Variants in ITPR2 observed in about 807,000 individuals in gnomAD.
ITPR2 encodes inositol 1,4,5-trisphosphate receptor type 2, also known as inositol 1,4,5-trisphosphate-gated calcium channel ITPR2.
A neutral mutation model predicts 317.1 loss-of-function variants in ITPR2; 207 were observed. That is an observed-to-expected ratio of 0.65 (90% CI 0.58 to 0.73). ITPR2 has a LOEUF of 0.73. ITPR2 is among the 30% of genes least tolerant of loss of function. The probability of loss-of-function intolerance (pLI) is 0.00; values close to 1 mark genes in which losing one functional copy is unlikely to be tolerated. For missense variants in ITPR2, 2,613 were observed against 3,284.0 expected (o/e 0.80, Z 4.99); for synonymous variants, 1,156 against 1,149.1 (o/e 1.01, Z -0.12).
chr12:26,713,816 T>C (rs115950760), intron 8 of ITPR2, among the ~76,000 whole-genome samples: 3,523 of 152,262 alleles, frequency 0.023, 140 homozygotes, highest in African/African-American at 0.081. Flanking sequence ...ATTAAGAACT[T>C]TATGGTGTGA....
chr12:26,677,753 A>T (rs1189930653), intron 13 of ITPR2, among the ~76,000 whole-genome samples: 1 of 152,228 alleles, frequency 6.6e-6, no homozygotes, highest in East Asian at 1.9e-4. Flanking sequence ...AATCTGAATT[A>T]AAAAGATATG....
chr12:26,348,150 G>T (rs1461835094), intron 55 of ITPR2, among the ~76,000 whole-genome samples: 1 of 152,128 alleles, frequency 6.6e-6, no homozygotes, highest in East Asian at 1.9e-4. Context: ...ATGACCTATT[G>T]CATTCCTCTC....
chr12:26,556,375 C>T lies in ITPR2; in HGVS notation c.4822G>A (p.Asp1608Asn), dbSNP rs1232954395. ...TGGTGCTCCAAGGAGGCCACTACATCCTAGGGAATGAAACACAAGAGAACC... is the reference window on the plus strand; with the variant it reads ...TGGTGCTCCAAGGAGGCCACTACATTCTAGGGAATGAAACACAAGAGAACC... ...DYRNIIEKLQ[D>N]VVASLEHQFS... The change falls in exon 36 of 57, where the codon GAT becomes AAT. Residue 1608 changes from aspartate (D) to asparagine (N), a missense_variant and splice_region_variant. Coordinates refer to ENST00000381340, the MANE Select transcript of ITPR2 (RefSeq NM_002223.4). 1.2e-6 allele frequency: 2 copies of T among 1,609,580 alleles called. No individual in the cohort carries two copies. The highest frequency in any genetic ancestry group is 1.7e-6 in the Non-Finnish European group (2 of 1,178,738).
intron 1 of ITPR2, among the ~76,000 whole-genome samples, chr12:26,799,713 C>T (rs1273302430): frequency 6.6e-6 from 1 of 152,216 alleles, no homozygotes; most frequent in African/African-American, 2.4e-5. Flanking sequence ...CCTGCCTCCT[C>T]AACCTCTTTG....
chr12:26,687,384 T>C (rs1592038482), intron 10 of ITPR2, among the ~76,000 whole-genome samples: 1 of 152,130 alleles, frequency 6.6e-6, no homozygotes, highest in East Asian at 1.9e-4. Flanking sequence ...AATAGTGACT[T>C]ACACATATTT....
chr12:26,559,499 C>G (rs1056882860), intron 35 of ITPR2, among the ~76,000 whole-genome samples: 1 of 152,106 alleles, frequency 6.6e-6, no homozygotes, highest in Non-Finnish European at 1.5e-5. Flanking sequence ...TGAGCTTGCA[C>G]GGGCCTATTT....
In ITPR2 at chr12:26,440,487, C is replaced by T. The variant is rs116540257; in HGVS notation, c.6451-1168G>A. The stretch of plus-strand genomic sequence containing the variant: ...ATTACAGAACTACTGGTACTCCAGA[C>T]TTCCCATAAGATAAAATTTTACTGT... On this transcript the variant is annotated intron_variant, in intron 46 of 56. Transcript: ENST00000381340. Among the ~76,000 whole-genome samples, 1,039 of 152,198 alleles carry T rather than the reference C, an allele frequency of 6.8e-3. 19 individuals are homozygous for T. The highest frequency in any genetic ancestry group is 0.024 in the African/African-American group (991 of 41,536).
At chr12:26,671,167 G>A (rs190950302) in intron 13 of ITPR2, among the ~76,000 whole-genome samples, 2,107 of 152,202 alleles carry the variant, frequency 0.014, 23 homozygotes, top group Non-Finnish European at 0.022. Flanking sequence ...TAGCAAAGCA[G>A]GACAACATTC....
Position 26,415,435 on chromosome 12 carries a change from C to T in ITPR2, c.7174G>A (p.Gly2392Ser). The T allele has an allele frequency of 6.2e-7, 1 of 1,611,230 alleles. No individual in the cohort carries two copies. The highest frequency in any genetic ancestry group is 8.5e-7 in the Non-Finnish European group (1 of 1,178,286). ...ACTGCAGTTAGAATAATAGAGCGGC[C>T]ATTTCGTGTGACACTTTTTATGACA... is the stretch of plus-strand genomic sequence containing the variant. ...LNVIKSVTRNGRSIILTAVLA... is the reference protein window; with the variant it reads ...LNVIKSVTRNSRSIILTAVLA... The change falls in exon 51 of 57, where the codon GGC (glycine) becomes AGC (serine). Residue 2392 changes from glycine (G) to serine (S), a missense_variant. Physicochemically the swap from Gly to Ser is moderately conservative, Grantham distance 56. Transcript: ENST00000381340.
chr12:26,673,082 C>A (rs1947824194), intron 13 of ITPR2, among the ~76,000 whole-genome samples: 1 of 152,124 alleles, frequency 6.6e-6, no homozygotes, highest in Non-Finnish European at 1.5e-5. Context: ...AGTCCAGGAC[C>A]AGATGGATTC....
chr12:26,624,417 C>A, intron 23 of ITPR2, 61 bp from the exon 24 acceptor site: 1 of 1,128,832 alleles, frequency 8.9e-7, no homozygotes, highest in South Asian at 1.4e-5. Context: ...CCATAATAGT[C>A]ATATTAATAT....
chr12:26,362,567 A>G (rs1938868821), intron 55 of ITPR2, among the ~76,000 whole-genome samples: 1 of 152,164 alleles, frequency 6.6e-6, no homozygotes, highest in African/African-American at 2.4e-5. Flanking sequence ...CTGATTACTT[A>G]CAGTCATATT....
At chr12:26,662,868 GCT>G (rs1947533872) in intron 15 of ITPR2, among the ~76,000 whole-genome samples, 1 of 151,996 alleles carries the variant, frequency 6.6e-6, no homozygotes, top group Non-Finnish European at 1.5e-5. Flanking sequence ...TGGGGGCCTC[GCT>G]ATATTGCCTA....
In ITPR2 at chr12:26,430,164, T is replaced by A. The variant is rs375844134; in HGVS notation, c.6770-2076A>T. Among the ~76,000 whole-genome samples, 77 of 152,354 alleles carry A rather than the reference T, an allele frequency of 5.1e-4. 1 individual carries two copies. The highest frequency in any genetic ancestry group is 4.4e-3 in the East Asian group (23 of 5,192). ...ACTCAAAAGTTATTTAAAACAGCTA[T>A]TGCCAATGTTTATAATTAACTTCTC... is the stretch of plus-strand genomic sequence containing the variant. On this transcript the variant is annotated intron_variant, in intron 48 of 56. Coordinates refer to ENST00000381340, the MANE Select transcript of ITPR2 (RefSeq NM_002223.4).
At chr12:26,826,765 CAT>C (rs1951015089) in intron 1 of ITPR2, among the ~76,000 whole-genome samples, 2 of 152,100 alleles carry the variant, frequency 1.3e-5, no homozygotes, top group South Asian at 2.1e-4. Context: ...CACACACACA[CAT>C]ATACACACTT....
chr12:26,546,621 G>GAAAA (rs1944395910), intron 37 of ITPR2, among the ~76,000 whole-genome samples: 3 of 151,952 alleles, frequency 2.0e-5, no homozygotes, highest in Non-Finnish European at 2.9e-5. Context: ...GAACAAAGCT[G>GAAAA]GAGGCATCAA....
intron 26 of ITPR2, among the ~76,000 whole-genome samples, chr12:26,612,581 T>G (rs924342631): frequency 2.6e-5 from 4 of 152,234 alleles, no homozygotes; most frequent in African/African-American, 4.8e-5. Context: ...TTTGTTCCCC[T>G]TATATTAATT....
intron 52 of ITPR2, among the ~76,000 whole-genome samples, chr12:26,407,144 T>A (rs982249955): frequency 1.3e-5 from 2 of 152,146 alleles, no homozygotes; most frequent in Non-Finnish European, 2.9e-5. Context: ...AGATGGAGAC[T>A]TTCCCCCAAT....
chr12:26,392,077 GT>G (rs1284533258), intron 54 of ITPR2, among the ~76,000 whole-genome samples: 2 of 152,046 alleles, frequency 1.3e-5, no homozygotes, highest in Non-Finnish European at 2.9e-5. Context: ...CATTCTCACG[GT>G]TTTACCATCA....
Sources: gnomAD v4.1 joint callset for allele counts (sites outside exome capture counted in the v4.1 genomes callset) on GRCh38, gnomAD v4.1.1 for gene constraint, MANE v1.5 for transcripts, NCBI Gene and HGNC (gene_info 2026-07-23, HGNC 2026-07-21) for gene names.